Variants in PRRC1 observed in about 807,000 individuals in gnomAD.
The protein encoded by PRRC1 is proline rich coiled-coil 1, also known as protein PRRC1.
Under a neutral mutation model 40.7 loss-of-function variants are expected in PRRC1, and 39 were observed. The observed-to-expected ratio is 0.96, with a 90% CI of 0.74 to 1.25. The LOEUF is 1.25. Ranked by LOEUF, PRRC1 falls within the 50% of genes most tolerant of loss-of-function variation. The probability of loss-of-function intolerance (pLI) is 0.00; values close to 1 mark genes in which losing one functional copy is unlikely to be tolerated. For missense variants in PRRC1, 573 were observed against 548.3 expected, an observed-to-expected ratio of 1.05 and a Z score of -0.45; for synonymous variants, 175 against 193.3, an observed-to-expected ratio of 0.91 and a Z score of 0.79.
At chr5:127,529,036 C>T (rs962928904) in intron 4 of PRRC1, among the ~76,000 whole-genome samples, 1 of 152,126 alleles carries the variant, frequency 6.6e-6, no homozygotes, top group Non-Finnish European at 1.5e-5. Context: ...TAAGATAGGA[C>T]AGTTCAAGTC....
At chr5:127,537,807 G>A (rs374658633) in intron 6 of PRRC1, among the ~76,000 whole-genome samples, 4 of 152,018 alleles carry the variant, frequency 2.6e-5, no homozygotes, top group South Asian at 4.1e-4. Context: ...TGGGAGGAGT[G>A]AATTAGGCAA....
At chr5:127,530,746 C>CTTT (rs34749591) in intron 5 of PRRC1, among the ~76,000 whole-genome samples, 6 of 142,286 alleles carry the variant, frequency 4.2e-5, no homozygotes, top group African/African-American at 1.3e-4. Flanking sequence ...TTGTTTCATA[C>CTTT]TTTTTTTTTT....
chr5:127,546,937 T>A (rs1768240370), intron 7 of PRRC1, among the ~76,000 whole-genome samples: 1 of 152,178 alleles, frequency 6.6e-6, no homozygotes, highest in African/African-American at 2.4e-5. Context: ...ACTATAGACA[T>A]TATAAAGTGC....
intron 5 of PRRC1, among the ~76,000 whole-genome samples, chr5:127,530,800 G>A (rs1767749470): frequency 6.8e-6 from 1 of 147,426 alleles, no homozygotes; most frequent in Non-Finnish European, 1.5e-5. Flanking sequence ...ATGTTTGTGT[G>A]TAATTGAGGG....
chr5:127,541,733 T>C (rs1378801016), intron 7 of PRRC1, among the ~76,000 whole-genome samples: 2 of 151,862 alleles, frequency 1.3e-5, no homozygotes, highest in Non-Finnish European at 2.9e-5. Flanking sequence ...CCCTTTATCA[T>C]TTTTTATTGC....
intron 4 of PRRC1, among the ~76,000 whole-genome samples, chr5:127,529,089 A>G (rs1433094287): frequency 3.3e-5 from 5 of 152,184 alleles, no homozygotes; most frequent in Admixed American, 3.3e-4. Context: ...TGTAAGTTGT[A>G]TAAGCTGGCT....
rs1768440996 is a variant in PRRC1, at chr5:127,553,332, T to C, written c.*1416T>C. 11 of 981,586 alleles carry C rather than the reference T, an allele frequency of 1.1e-5. No individual in the cohort carries two copies. The highest frequency in any genetic ancestry group is 1.3e-5 in the Non-Finnish European group (11 of 826,424). The allele number at this position is 981,586 out of a possible 1,614,324, so 60.8% of individuals were successfully genotyped here. ...AAGAAGAATGAATATTAAATTTGAA[T>C]ATTAAATATATGTTACTTTCCAAGC... On this transcript the variant is annotated 3_prime_UTR_variant, in exon 9 of 9. Coordinates refer to ENST00000296666, the MANE Select transcript of PRRC1 (RefSeq NM_130809.5).
In PRRC1 at chr5:127,531,667, G is replaced by C. The variant is rs1210574843; in HGVS notation, c.757+1271G>C. ...AGACAGAGTCTCACTCTGTCACTCA[G>C]ACTGGAGTGCAGTGGCGTGATCTCA... On this transcript the variant is annotated intron_variant, in intron 5 of 8. Coordinates refer to ENST00000296666, the MANE Select transcript of PRRC1 (RefSeq NM_130809.5). Among the ~76,000 whole-genome samples the C allele has an allele frequency of 3.4e-5, 4 of 118,962 alleles. No homozygotes were observed. The Admixed American group carries it at 4.3e-4, about 13-fold the overall frequency. The allele number at this position is 118,962 out of a possible 152,430, so 78.0% of individuals were successfully genotyped here.
chr5:127,527,028 T>A (rs1378879555), intron 4 of PRRC1, among the ~76,000 whole-genome samples: 1 of 152,228 alleles, frequency 6.6e-6, no homozygotes. Context: ...TTACTGAGCA[T>A]ATATCATGGA....
rs1394336826 is a variant in PRRC1 at position 127,535,278 on chromosome 5, C to T, written c.921+1492C>T. Among the ~76,000 whole-genome samples the T allele has an allele frequency of 2.0e-5, 3 of 152,178 alleles. No individual in the cohort carries two copies. The South Asian group carries it at 6.2e-4, about 31-fold the overall frequency. The stretch of plus-strand genomic sequence containing the variant: ...TTGAATGCAGCTTATTTAACACACT[C>T]GTTTTCTCATTAAGGCACATCATTG... On this transcript the variant is annotated intron_variant, in intron 6 of 8. Coordinates refer to ENST00000296666, the MANE Select transcript of PRRC1 (RefSeq NM_130809.5).
chr5:127,525,619 C>T (rs1421299534), intron 3 of PRRC1, among the ~76,000 whole-genome samples: 3 of 152,188 alleles, frequency 2.0e-5, no homozygotes, highest in Admixed American at 6.5e-5. Context: ...TTCTTATTAG[C>T]AGTGGGCGGG....
chr5:127,540,681 A>T (rs76189416), intron 7 of PRRC1, among the ~76,000 whole-genome samples: 1,612 of 152,194 alleles, frequency 0.011, 26 homozygotes, highest in African/African-American at 0.037. Context: ...TAAAAATGTC[A>T]TGGTACTGTT....
At chr5:127,526,588 A>G in intron 3 of PRRC1, 30 bp from the exon 4 acceptor site, 1 of 1,569,216 alleles carries the variant, frequency 6.4e-7, no homozygotes, top group Non-Finnish European at 8.7e-7. Context: ...GGAATAAATT[A>G]TACATATGAA....
intron 1 of PRRC1, 62 bp from the exon 2 acceptor site, chr5:127,523,398 A>G: frequency 5.5e-6 from 4 of 720,796 alleles, no homozygotes; most frequent in Non-Finnish European, 8.6e-6. Context: ...TTCTCTATTC[A>G]AGCTTTAAAA....
intron 1 of PRRC1, among the ~76,000 whole-genome samples, chr5:127,519,453 G>A (rs911599308): frequency 3.3e-5 from 5 of 152,058 alleles, no homozygotes; most frequent in Admixed American, 1.3e-4. Flanking sequence ...TATGAAAACC[G>A]TTCTCCCTAA....
chr5:127,528,029 C>T (rs945315079), intron 4 of PRRC1, among the ~76,000 whole-genome samples: 1 of 152,122 alleles, frequency 6.6e-6, no homozygotes, highest in African/African-American at 2.4e-5. Flanking sequence ...CTTTCCTTTG[C>T]TACTGAATTT....
In PRRC1 at chr5:127,552,999, TTA is replaced by T. The variant is rs1220223112; in HGVS notation, c.*1087_*1088del. 7 of 767,294 alleles carry T rather than the reference TTA, an allele frequency of 9.1e-6. No individual in the cohort carries two copies. The highest frequency in any genetic ancestry group is 1.2e-4 in the South Asian group (2 of 16,542). The allele number at this position is 767,294 out of a possible 1,614,324, so 47.5% of individuals were successfully genotyped here. On this transcript the variant is annotated 3_prime_UTR_variant, in exon 9 of 9. Coordinates refer to ENST00000296666, the MANE Select transcript of PRRC1 (RefSeq NM_130809.5). ...AAGCCTTTTCCCCTCAAATAATATA[TTA>T]TATCATTTTTGGACTTATATAAATG...
At position 127,549,820 on chromosome 5, in the gene PRRC1, T is replaced by C. The variant is rs1184227117; in HGVS notation, c.1129-1887T>C. The stretch of plus-strand genomic sequence containing the variant: ...AGAAATGAATAGTTGCAACAGAGAA[T>C]GTCTGGCCCACAAAGCCTAAAATAT... On this transcript the variant is annotated intron_variant, in intron 8 of 8. Transcript: ENST00000296666. 3 of 152,210 alleles carry C rather than the reference T, an allele frequency of 2.0e-5. 1 individual carries two copies. Among genetic ancestry groups the C allele is most frequent in the African/African-American group, 7.2e-5 (3 of 41,450 alleles). The allele number at this position is 152,210 out of a possible 1,614,324, so 9.4% of individuals were successfully genotyped here. A position where few individuals can be genotyped will look rare whatever the true frequency, so the allele number is the denominator to read the frequency against.
At chr5:127,544,833 C>T (rs233027) in intron 7 of PRRC1, among the ~76,000 whole-genome samples, 45,768 of 152,096 alleles carry the variant, frequency 0.3, 7,243 homozygotes, top group East Asian at 0.55. Flanking sequence ...TTGCGCTTCC[C>T]GAGTGAGGCA....
Sources: gnomAD v4.1 joint callset for allele counts (sites outside exome capture counted in the v4.1 genomes callset) on GRCh38, gnomAD v4.1.1 for gene constraint, MANE v1.5 for transcripts, NCBI Gene and HGNC (gene_info 2026-07-23, HGNC 2026-07-21) for gene names.